The following UBE2Z variants were observed in gnomAD, a reference collection of about 807,000 sequenced individuals.
UBE2Z encodes the protein ubiquitin conjugating enzyme E2 Z.
In UBE2Z, 10 loss-of-function variants were observed where a neutral mutation model predicts 32.6. That is an observed-to-expected ratio of 0.31 (90% CI 0.19 to 0.52). The LOEUF (loss-of-function observed/expected upper bound fraction) is 0.52, where lower values mean the gene tolerates loss of function less well. UBE2Z is among the 20% of genes least tolerant of loss of function. UBE2Z has a pLI of 0.97. For synonymous variants in UBE2Z, 183 were observed against 190.8 expected (o/e 0.96, Z 0.34); for missense variants, 343 against 480.9 (o/e 0.71, Z 2.68).
intron 4 of UBE2Z, among the ~76,000 whole-genome samples, chr17:48,920,770 TC>T (rs1335931840): frequency 6.6e-6 from 1 of 152,166 alleles, no homozygotes; most frequent in Non-Finnish European, 1.5e-5. Flanking sequence ...GCTCAAGTGA[TC>T]CTCACACCTT....
intron 3 of UBE2Z, 186 bp from the exon 4 acceptor site, chr17:48,915,890 A>T: frequency 7.4e-6 from 2 of 271,764 alleles, no homozygotes; most frequent in Non-Finnish European, 1.3e-5. Context: ...TTTGAGGATT[A>T]GGCAATTGAC....
At chr17:48,908,984 C>T (rs2040652174) in intron 1 of UBE2Z, 164 bp downstream of exon 1, 3 of 375,900 alleles carry the variant, frequency 8.0e-6, no homozygotes, top group South Asian at 6.4e-5. Flanking sequence ...GGATCCAACT[C>T]CCTTCTCCCC....
intron 3 of UBE2Z, among the ~76,000 whole-genome samples, chr17:48,914,148 A>C (rs1228391571): frequency 6.6e-6 from 1 of 152,176 alleles, no homozygotes; most frequent in Non-Finnish European, 1.5e-5. Context: ...TGCTTCATAG[A>C]GTTCCCATTT....
At chr17:48,924,375 A>G (rs2040782890) in intron 6 of UBE2Z, among the ~76,000 whole-genome samples, 1 of 152,210 alleles carries the variant, frequency 6.6e-6, no homozygotes, top group Non-Finnish European at 1.5e-5. Flanking sequence ...AGGGTTGATC[A>G]CAGAAACAGT....
intron 2 of UBE2Z, chr17:48,912,295 T>A (rs1436080556): frequency 1.3e-5 from 2 of 154,544 alleles, no homozygotes; most frequent in Non-Finnish European, 2.9e-5. Context: ...TTTCTTCGTC[T>A]CCTTTCATCA....
chr17:48,914,795 C>T (rs1310127205), intron 3 of UBE2Z, among the ~76,000 whole-genome samples: 1 of 152,074 alleles, frequency 6.6e-6, no homozygotes, highest in Non-Finnish European at 1.5e-5. Context: ...GAGGCCGAGG[C>T]GGGTGGATCA....
intron 5 of UBE2Z, 136 bp downstream of exon 5, chr17:48,921,408 A>AGTG: frequency 1.4e-6 from 1 of 702,992 alleles, no homozygotes; most frequent in African/African-American, 1.8e-5. Flanking sequence ...TTAAAGAACA[A>AGTG]GTGGCTGAGG....
chr17:48,915,580 C>T (rs1364408445), intron 3 of UBE2Z: 1 of 155,596 alleles, frequency 6.4e-6, no homozygotes, highest in Non-Finnish European at 1.4e-5. Context: ...GAGAATTTGA[C>T]ACTCCTTGGG....
chr17:48,925,410 A>T (rs2040791300), intron 6 of UBE2Z, among the ~76,000 whole-genome samples: 1 of 152,066 alleles, frequency 6.6e-6, no homozygotes, highest in Non-Finnish European at 1.5e-5. Flanking sequence ...GTAGGAGGAG[A>T]TGACTTATGC....
At position 48,908,416 on chromosome 17, in the gene UBE2Z, C is replaced by T. The variant is rs2040644997; in HGVS notation, c.-88C>T. 6 of 1,145,042 alleles carry T rather than the reference C, an allele frequency of 5.2e-6. No individual in the cohort carries two copies. The highest frequency in any genetic ancestry group is 6.6e-6 in the Non-Finnish European group (6 of 913,208). The allele number at this position is 1,145,042 out of a possible 1,614,324, so 70.9% of individuals were successfully genotyped here. On this transcript the variant is annotated 5_prime_UTR_variant, in exon 1 of 7. Coordinates refer to ENST00000360943, the MANE Select transcript of UBE2Z (RefSeq NM_023079.5). ...CGGAGGGGGTGGGGACACTCTGGCC[C>T]GGTTCTCGGTGGTGCGGGAGCGGGC... is the stretch of plus-strand genomic sequence containing the variant.
chr17:48,924,673 CCA>C (rs1472102963), intron 6 of UBE2Z, among the ~76,000 whole-genome samples: 1 of 151,256 alleles, frequency 6.6e-6, no homozygotes, highest in East Asian at 2.0e-4. Context: ...TGGTGAAACC[CCA>C]TCTCTACTAA....
intron 2 of UBE2Z, chr17:48,912,526 A>AG: frequency 3.2e-6 from 1 of 310,112 alleles, no homozygotes; most frequent in Non-Finnish European, 6.1e-6. Context: ...AAAAAAAAAA[A>AG]TGCTTTAAGA....
At chr17:48,924,044 A>G (rs2040781187) in intron 6 of UBE2Z, among the ~76,000 whole-genome samples, 3 of 152,096 alleles carry the variant, frequency 2.0e-5, no homozygotes, top group African/African-American at 7.2e-5. Flanking sequence ...TTTAGTAGAG[A>G]CGGGGTTTCA....
chr17:48,912,584 G>A (rs937602000), intron 2 of UBE2Z: 15 of 441,438 alleles, frequency 3.4e-5, no homozygotes, highest in Admixed American at 2.5e-4. Flanking sequence ...TTCAGTTTTC[G>A]CCTTGGGCTC....
chr17:48,909,496 T>A (rs911794761), intron 1 of UBE2Z, among the ~76,000 whole-genome samples: 1 of 151,026 alleles, frequency 6.6e-6, no homozygotes, highest in Non-Finnish European at 1.5e-5. Context: ...AGTGCCACTC[T>A]GGATTGTAAT....
chr17:48,918,601 A>G (rs1367969191), intron 4 of UBE2Z, among the ~76,000 whole-genome samples: 1 of 152,086 alleles, frequency 6.6e-6, no homozygotes, highest in African/African-American at 2.4e-5. Context: ...ACAAAGTGGT[A>G]GGATCACAGG....
Position 48,908,799 on chromosome 17 carries a change from A to G in UBE2Z, c.296A>G (p.Gln99Arg). The G allele has an allele frequency of 6.6e-7, 1 of 1,504,762 alleles. No homozygotes were observed. The highest frequency in any genetic ancestry group is 8.8e-7 in the Non-Finnish European group (1 of 1,131,408). 93.2% of individuals were successfully genotyped at this position (1,504,762 alleles called of 1,614,324 possible). Residue 99 changes from glutamine to arginine, a missense_variant, in exon 1 of 7, where the codon CAG becomes CGG. By Grantham distance (43) the Gln-to-Arg change is conservative (BLOSUM62 1). Transcript: ENST00000360943. ...TGGGACGGCGAGCGCACCGCGCCGC[A>G]GTGTCTACTCCGGATCAAGCGGTGA... Reference protein sequence around the residue: ...SDWDGERTAPQCLLRIKRDIM... With the variant: ...SDWDGERTAPRCLLRIKRDIM...
intron 6 of UBE2Z, among the ~76,000 whole-genome samples, chr17:48,924,392 G>C (rs189347958): frequency 6.6e-6 from 1 of 152,288 alleles, no homozygotes; most frequent in East Asian, 1.9e-4. Context: ...CAGTAGCTTA[G>C]AGAAACAACA....
At chr17:48,926,127 A>T (rs1419565374) in intron 6 of UBE2Z, among the ~76,000 whole-genome samples, 1 of 152,196 alleles carries the variant, frequency 6.6e-6, no homozygotes. Flanking sequence ...GCCCTGGAGC[A>T]ATGCCCAGAA....
Sources: allele counts gnomAD v4.1 joint callset (sites outside exome capture counted in the v4.1 genomes callset), GRCh38; gene constraint gnomAD v4.1.1; transcripts MANE v1.5; gene names NCBI Gene and HGNC (gene_info 2026-07-23, HGNC 2026-07-21).